Variants in JAZF1 observed in about 807,000 individuals in gnomAD.
The protein encoded by JAZF1 is juxtaposed with another zinc finger protein 1.
Under a neutral mutation model 26.4 loss-of-function variants are expected in JAZF1, and 8 were observed. The observed-to-expected ratio is 0.30, with a 90% CI of 0.18 to 0.55. JAZF1 has a LOEUF of 0.55. Among genes scored for constraint, JAZF1 ranks in the 20% least tolerant of loss-of-function variants. JAZF1 has a pLI of 0.94. For synonymous variants in JAZF1, 126 were observed against 122.3 expected, an observed-to-expected ratio of 1.03 and a Z score of -0.20; for missense variants, 199 against 322.0, an observed-to-expected ratio of 0.62 and a Z score of 2.92.
intron 3 of JAZF1, among the ~76,000 whole-genome samples, chr7:27,860,192 GTCTT>G (rs1289244832): frequency 6.6e-6 from 1 of 152,158 alleles, no homozygotes; most frequent in East Asian, 1.9e-4. Context: ...AGTGTTTTGG[GTCTT>G]TATTTAGAAG....
At chr7:28,112,458 G>C (rs1021608344) in intron 1 of JAZF1, among the ~76,000 whole-genome samples, 4 of 152,164 alleles carry the variant, frequency 2.6e-5, no homozygotes, top group Non-Finnish European at 4.4e-5. Flanking sequence ...TGTAAAGTTG[G>C]TTTTAAAAAG....
chr7:27,924,626 T>A (rs2128348712), intron 2 of JAZF1, among the ~76,000 whole-genome samples: 1 of 152,380 alleles, frequency 6.6e-6, no homozygotes, highest in East Asian at 1.9e-4. Context: ...GGGGCTGATT[T>A]TTTAAAATGA....
At chr7:27,948,619 C>T (rs1446039939) in intron 2 of JAZF1, among the ~76,000 whole-genome samples, 1 of 152,162 alleles carries the variant, frequency 6.6e-6, no homozygotes, top group Non-Finnish European at 1.5e-5. Flanking sequence ...TGCGGGAGCA[C>T]TTACAGCCAA....
At chr7:28,086,989 T>C (rs1325991340) in intron 1 of JAZF1, among the ~76,000 whole-genome samples, 1 of 152,228 alleles carries the variant, frequency 6.6e-6, no homozygotes, top group Non-Finnish European at 1.5e-5. Context: ...TTACTATGTG[T>C]CTTTCTTCTC....
chr7:27,944,186 G>A (rs192949147), intron 2 of JAZF1, among the ~76,000 whole-genome samples: 70 of 152,224 alleles, frequency 4.6e-4, no homozygotes, highest in African/African-American at 1.5e-3. Flanking sequence ...ACATCTTGCC[G>A]AACCCTTTAG....
At chr7:27,914,291 T>G (rs211) in intron 2 of JAZF1, among the ~76,000 whole-genome samples, 145,081 of 152,206 alleles carry the variant, frequency 0.95, 69,244 homozygotes, top group East Asian at 1. Flanking sequence ...TGGGGACAGG[T>G]TCTCTGCTCT....
intron 3 of JAZF1, among the ~76,000 whole-genome samples, chr7:27,856,020 C>T (rs1460670859): frequency 6.6e-6 from 1 of 152,196 alleles, no homozygotes; most frequent in African/African-American, 2.4e-5. Context: ...CCACCACCAT[C>T]GAGTTGGCTT....
intron 3 of JAZF1, among the ~76,000 whole-genome samples, chr7:27,894,874 C>T (rs1357310964): frequency 6.6e-6 from 1 of 151,912 alleles, no homozygotes; most frequent in Admixed American, 6.6e-5. Flanking sequence ...AACTGTTTTA[C>T]AAGAGAAAAC....
chr7:28,079,840 G>A (rs1784107848), intron 1 of JAZF1, among the ~76,000 whole-genome samples: 1 of 152,154 alleles, frequency 6.6e-6, no homozygotes. Context: ...TGTTCAGCTA[G>A]CACCATGGAT....
chr7:28,021,720 A>T (rs905236738), intron 1 of JAZF1, among the ~76,000 whole-genome samples: 1 of 151,710 alleles, frequency 6.6e-6, no homozygotes, highest in African/African-American at 2.4e-5. Flanking sequence ...GTGTCACCTG[A>T]CTCTTCACTT....
At chr7:28,092,326 A>AAAAAAC (rs1562584279) in intron 1 of JAZF1, among the ~76,000 whole-genome samples, 1 of 132,508 alleles carries the variant, frequency 7.5e-6, no homozygotes, top group Non-Finnish European at 1.6e-5. Context: ...AAAAAAAAAA[A>AAAAAAC]CAACTAATGT....
At chr7:27,913,708 G>C (rs188310380) in intron 2 of JAZF1, among the ~76,000 whole-genome samples, 1 of 152,242 alleles carries the variant, frequency 6.6e-6, no homozygotes, top group East Asian at 1.9e-4. Flanking sequence ...CTTGCATTCA[G>C]GCAGTGAGAT....
intron 2 of JAZF1, among the ~76,000 whole-genome samples, chr7:27,957,372 T>C (rs757027452): frequency 1.3e-5 from 2 of 152,214 alleles, no homozygotes; most frequent in Non-Finnish European, 2.9e-5. Context: ...AGGGATGATG[T>C]ATGTTCAAGG....
intron 2 of JAZF1, among the ~76,000 whole-genome samples, chr7:27,957,692 C>G (rs1785121698): frequency 6.6e-6 from 1 of 152,164 alleles, no homozygotes; most frequent in Non-Finnish European, 1.5e-5. Context: ...ACTGCAATTA[C>G]ACAGTAAGAT....
chr7:28,090,706 G>C (rs1784279923), intron 1 of JAZF1, among the ~76,000 whole-genome samples: 1 of 151,840 alleles, frequency 6.6e-6, no homozygotes, highest in Non-Finnish European at 1.5e-5. Flanking sequence ...AGTGGAACCT[G>C]AATCAAAGCC....
At chr7:27,982,645 C>T (rs1785609500) in intron 2 of JAZF1, among the ~76,000 whole-genome samples, 1 of 152,204 alleles carries the variant, frequency 6.6e-6, no homozygotes, top group South Asian at 2.1e-4. Context: ...AATGGACAGA[C>T]TCCCTCCTCA....
chr7:27,871,727 A>T (rs1180928547), intron 3 of JAZF1, among the ~76,000 whole-genome samples: 1 of 152,238 alleles, frequency 6.6e-6, no homozygotes, highest in Non-Finnish European at 1.5e-5. Flanking sequence ...TTAGAAAAAC[A>T]TGCTTCGAAT....
intron 2 of JAZF1, among the ~76,000 whole-genome samples, chr7:27,943,951 T>G (rs1395075345): frequency 6.6e-6 from 1 of 152,226 alleles, no homozygotes; most frequent in Non-Finnish European, 1.5e-5. Context: ...CATACTTTCT[T>G]TGATTCCTAT....
chr7:27,832,444 TCA>T lies in JAZF1; in HGVS notation c.*354_*355del, dbSNP rs951108304. 4.3e-6 allele frequency: 1 copy of T among 234,274 alleles called. No homozygotes were observed. The highest frequency in any genetic ancestry group is 2.2e-5 in the African/African-American group (1 of 45,278). The allele number at this position is 234,274 out of a possible 1,614,324, so 14.5% of individuals were successfully genotyped here. A position where few individuals can be genotyped will look rare whatever the true frequency, so the allele number is the denominator to read the frequency against. ...ACATTACAATCTTGAAAAAAAAATC[TCA>T]GTGCCAGCCCCTCCTCCCCCCAGGT... is the stretch of plus-strand genomic sequence containing the variant. On this transcript the variant is annotated 3_prime_UTR_variant, in exon 5 of 5. Coordinates refer to ENST00000283928, the MANE Select transcript of JAZF1 (RefSeq NM_175061.4).
Sources: gnomAD v4.1 joint callset for allele counts (sites outside exome capture counted in the v4.1 genomes callset) on GRCh38, gnomAD v4.1.1 for gene constraint, MANE v1.5 for transcripts, NCBI Gene and HGNC (gene_info 2026-07-23, HGNC 2026-07-21) for gene names.